Variants in DIP2A observed in about 807,000 individuals in gnomAD.
The protein encoded by DIP2A is DIP2 acetate--CoA ligase A.
Under a neutral mutation model 177.4 loss-of-function variants are expected in DIP2A, and 85 were observed. The ratio of observed to expected loss-of-function variants is 0.48; its 90% CI spans 0.40 to 0.57. The LOEUF is 0.57. DIP2A is among the 20% of genes least tolerant of loss of function. The probability of loss-of-function intolerance (pLI) is 0.00; values close to 1 mark genes in which losing one functional copy is unlikely to be tolerated. For missense variants in DIP2A, 1,791 were observed against 2,100.2 expected (o/e 0.85, Z 2.88); for synonymous variants, 886 against 881.8 (o/e 1.00, Z -0.08).
chr21:46,466,795 CAACCA>C (rs2054872711), intron 1 of DIP2A, among the ~76,000 whole-genome samples: 1 of 82,478 alleles, frequency 1.2e-5, no homozygotes, highest in Admixed American at 1.2e-4. Context: ...TCATAGACTT[CAACCA>C]AAAAAACCAC....
Position 46,563,738 on chromosome 21 carries a change from T to C in DIP2A, c.4090-120T>C. 7.0e-7 allele frequency: 1 copy of C among 1,433,390 alleles called. No homozygotes were observed. The highest frequency in any genetic ancestry group is 1.5e-5 in the South Asian group (1 of 65,648). 88.8% of individuals were successfully genotyped at this position (1,433,390 alleles called of 1,614,324 possible). A position where few individuals can be genotyped will look rare whatever the true frequency, so the allele number is the denominator to read the frequency against. Reference sequence around the variant, plus strand: ...GGAGCGGCCTCTAAACTTCCTGACCTGACATGAGCACATCAGTCCTGCAGG... The same window carrying C: ...GGAGCGGCCTCTAAACTTCCTGACCCGACATGAGCACATCAGTCCTGCAGG... On this transcript the variant is annotated intron_variant, in intron 34 of 37. Coordinates refer to ENST00000417564, the MANE Select transcript of DIP2A (RefSeq NM_015151.4). This position sits in a 1 kb window ranked among gnomAD's most constrained non-coding sequence, Gnocchi z 4.3.
Position 46,557,386 on chromosome 21 carries a change from C to A in DIP2A, c.3630-199C>A. On this transcript the variant is annotated intron_variant, in intron 30 of 37. Coordinates refer to ENST00000417564, the MANE Select transcript of DIP2A (RefSeq NM_015151.4). The surrounding 1 kb of genome is among the most constrained non-coding windows in gnomAD (Gnocchi z 6.0). ...CCGGATCCTCTCCAAGTGTTCGGAG[C>A]AGAGCTCAGAACCCCGTGCCTGCCA... is the stretch of plus-strand genomic sequence containing the variant. 1 of 700,092 alleles carries A rather than the reference C, an allele frequency of 1.4e-6. No individual in the cohort carries two copies. The highest frequency in any genetic ancestry group is 2.0e-5 in the South Asian group (1 of 50,318). The allele number at this position is 700,092 out of a possible 1,614,324, so 43.4% of individuals were successfully genotyped here.
intron 6 of DIP2A, among the ~76,000 whole-genome samples, chr21:46,504,707 C>G (rs1421801556): frequency 6.6e-6 from 1 of 152,084 alleles, no homozygotes; most frequent in Non-Finnish European, 1.5e-5. Flanking sequence ...AGAGGGGAAA[C>G]GAGGAGAGTG....
rs201630699 is a variant in DIP2A, at chr21:46,545,955, C to G, written c.2388C>G (p.Ile796Met). ...PFTRTGLLGFIGPDNLVFIVG... is the reference protein window; with the variant it reads ...PFTRTGLLGFMGPDNLVFIVG... ...CCAGGACAGGCCTGCTGGGCTTCAT[C>G]GGGCCTGTGAGTATGTCCTCCTGTA... Residue 796 changes from isoleucine to methionine, a missense_variant, in exon 20 of 38, where the codon ATC becomes ATG. By Grantham distance (10) the Ile-to-Met change is conservative. Coordinates refer to ENST00000417564, the MANE Select transcript of DIP2A (RefSeq NM_015151.4). 6.2e-7 allele frequency: 1 copy of G among 1,613,856 alleles called. No individual in the cohort carries two copies. Among genetic ancestry groups the G allele is most frequent in the African/African-American group, 1.3e-5 (1 of 74,936 alleles).
In DIP2A at chr21:46,557,995, G is replaced by A. The variant is rs1038835349; in HGVS notation, c.3799-228G>A. On this transcript the variant is annotated intron_variant, in intron 31 of 37. Transcript: ENST00000417564. The surrounding 1 kb of genome is among the most constrained non-coding windows in gnomAD (Gnocchi z 6.0). ...AGGGCAGGGTCCCTGCGAGATAGCG[G>A]GGTGGAAGTCTGGCCGCGTGGGAGG... Among the ~76,000 whole-genome samples the A allele has an allele frequency of 1.3e-5, 2 of 152,216 alleles. No homozygotes were observed. The highest frequency in any genetic ancestry group is 2.9e-5 in the Non-Finnish European group (2 of 68,026).
chr21:46,476,079 C>CA (rs34733342), intron 1 of DIP2A, among the ~76,000 whole-genome samples: 47 of 134,616 alleles, frequency 3.5e-4, no homozygotes, highest in Middle Eastern at 3.9e-3. Context: ...ACTAAAAATA[C>CA]AAAAAAAAAA....
At chr21:46,579,163 A>G in the DIP2A span, among the ~76,000 whole-genome samples, 4 of 152,114 alleles carry the variant, frequency 2.6e-5, no homozygotes, top group African/African-American at 7.2e-5. Flanking sequence ...CAGAGATTCA[A>G]CTTCTTTGTG....
In DIP2A at chr21:46,557,766, A is replaced by T. The variant is rs1457878199; in HGVS notation, c.3798+13A>T. The T allele has an allele frequency of 1.9e-6, 3 of 1,597,436 alleles. No homozygotes were observed. The highest frequency in any genetic ancestry group is 2.2e-5 in the South Asian group (2 of 90,740). On this transcript the variant is annotated intron_variant, in intron 31 of 37. Transcript: ENST00000417564. This position sits in a 1 kb window ranked among gnomAD's most constrained non-coding sequence, Gnocchi z 6.0. ...GGGTGTCCTCAGGGTGAGTGCCCAG[A>T]CCCGGGCTTCTGAGTGTGCTGCAGA...
At chr21:46,575,386 G>A in the DIP2A span, among the ~76,000 whole-genome samples, 250 of 152,222 alleles carry the variant, frequency 1.6e-3, no homozygotes, top group African/African-American at 5.6e-3. Context: ...GGATGACTGC[G>A]TTTGTCACTT....
intron 5 of DIP2A, among the ~76,000 whole-genome samples, chr21:46,500,997 A>C (rs1157699392): frequency 1.3e-5 from 2 of 152,198 alleles, no homozygotes; most frequent in Non-Finnish European, 2.9e-5. Flanking sequence ...TTGATTTAAT[A>C]CTTTGCTTAC....
At chr21:46,511,304 G>A in intron 7 of DIP2A, 113 bp from the exon 8 acceptor site, 1 of 1,150,966 alleles carries the variant, frequency 8.7e-7, no homozygotes, top group South Asian at 1.6e-5. Context: ...ATTATTGTAA[G>A]CTTTTTTATA....
In DIP2A at chr21:46,540,010, A is replaced by G. The variant is rs370917920; in HGVS notation, c.2036+19A>G. 1.7e-5 allele frequency: 27 copies of G among 1,585,696 alleles called. No homozygotes were observed. The African/African-American group carries it at 2.4e-4, about 14-fold the overall frequency. On this transcript the variant is annotated intron_variant, in intron 17 of 37. Coordinates refer to ENST00000417564, the MANE Select transcript of DIP2A (RefSeq NM_015151.4). ...TCCGCAGGTAACCTTATTCCTTGCTATGTCTCATGAGCACTTAGTTGAATC... is the reference window on the plus strand; with the variant it reads ...TCCGCAGGTAACCTTATTCCTTGCTGTGTCTCATGAGCACTTAGTTGAATC...
At chr21:46,538,776 A>G (rs759150347) in intron 16 of DIP2A, 174 bp downstream of exon 16, 6 of 963,228 alleles carry the variant, frequency 6.2e-6, no homozygotes, top group Non-Finnish European at 8.9e-6. Flanking sequence ...GGTTTATCCC[A>G]TGCATGTTTA....
chr21:46,549,698 C>T (rs949809017), intron 21 of DIP2A, 73 bp from the exon 22 acceptor site: 128 of 1,584,476 alleles, frequency 8.1e-5, no homozygotes, highest in Non-Finnish European at 2.8e-5. Context: ...CCTCTTCCAT[C>T]GTGAGGGTGA....
intron 3 of DIP2A, among the ~76,000 whole-genome samples, chr21:46,492,195 T>A (rs1031102646): frequency 2.6e-5 from 4 of 152,066 alleles, no homozygotes; most frequent in African/African-American, 9.7e-5. Context: ...GAATCAAAAG[T>A]TTACTTTTTT....
chr21:46,550,680 T>C lies in DIP2A; in HGVS notation c.2775T>C (p.Cys925=). The change falls in exon 23 of 38, where the codon TGT becomes TGC. Residue 925 remains cysteine (C), a synonymous_variant. Coordinates refer to ENST00000417564, the MANE Select transcript of DIP2A (RefSeq NM_015151.4). Reference sequence around the variant, plus strand: ...TTCTGGAAGGGACGCTGCACCCGTGTAATGTGCTGATGTGCCCTCACACCT... The same window carrying C: ...TTCTGGAAGGGACGCTGCACCCGTGCAATGTGCTGATGTGCCCTCACACCT... The part of the protein sequence containing the change: ...QRFLEGTLHP[C]NVLMCPHTCV... 6.2e-7 allele frequency: 1 copy of C among 1,614,036 alleles called. No individual in the cohort carries two copies. The highest frequency in any genetic ancestry group is 8.5e-7 in the Non-Finnish European group (1 of 1,179,904).
Position 46,563,980 on chromosome 21 carries a change from C to A in DIP2A, c.4164+48C>A. 2 of 1,565,364 alleles carry A rather than the reference C, an allele frequency of 1.3e-6. No homozygotes were observed. The highest frequency in any genetic ancestry group is 1.7e-6 in the Non-Finnish European group (2 of 1,154,030). On this transcript the variant is annotated intron_variant, in intron 35 of 37. Transcript: ENST00000417564. This position sits in a 1 kb window ranked among gnomAD's most constrained non-coding sequence, Gnocchi z 4.3. ...GGCTTGAGCTCTCCAGCCTCACCAGCTTCACCTTCCTTCCCTTTTTGCTTC... is the reference window on the plus strand; with the variant it reads ...GGCTTGAGCTCTCCAGCCTCACCAGATTCACCTTCCTTCCCTTTTTGCTTC...
chr21:46,467,741 GTTTGT>G (rs1401547629), intron 1 of DIP2A, among the ~76,000 whole-genome samples: 1 of 149,078 alleles, frequency 6.7e-6, no homozygotes, highest in African/African-American at 2.6e-5. Context: ...TTTAGGTTTT[GTTTGT>G]TTTTTTTTTC....
intron 16 of DIP2A, chr21:46,539,330 C>G (rs1471471016): frequency 5.8e-6 from 1 of 173,314 alleles, no homozygotes; most frequent in African/African-American, 2.4e-5. Context: ...CATCTTATCC[C>G]CTCTCCAGTG....
Sources: allele counts gnomAD v4.1 joint callset (sites outside exome capture counted in the v4.1 genomes callset), GRCh38; gene constraint gnomAD v4.1.1; non-coding constraint Gnocchi (gnomAD v3.1); transcripts MANE v1.5; gene names NCBI Gene and HGNC (gene_info 2026-07-23, HGNC 2026-07-21).